C1orf105: variants seen among roughly 807,000 people sequenced by gnomAD.
C1orf105 encodes chromosome 1 open reading frame 105, also known as uncharacterized protein C1orf105.
C1orf105 carries 17 observed loss-of-function variants against 20.8 expected under a neutral mutation model. That is an observed-to-expected ratio of 0.82 (90% CI 0.56 to 1.23). C1orf105 has a LOEUF of 1.23. Among genes scored for constraint, C1orf105 ranks in the 50% most tolerant of loss-of-function variants. The pLI, the probability that C1orf105 is intolerant of heterozygous loss-of-function variation, is 0.00. For missense variants in C1orf105, 219 were observed against 213.5 expected, an observed-to-expected ratio of 1.03 and a Z score of -0.16; for synonymous variants, 72 against 72.1, an observed-to-expected ratio of 1.00 and a Z score of 0.01.
intron 1 of C1orf105, among the ~76,000 whole-genome samples, chr1:172,421,579 G>A (rs370835681): frequency 6.6e-6 from 1 of 152,102 alleles, no homozygotes; most frequent in South Asian, 2.1e-4. Flanking sequence ...AGTTGGGGAG[G>A]ACGCAGAGCA....
intron 3 of C1orf105, among the ~76,000 whole-genome samples, chr1:172,453,557 A>G (rs1648900080): frequency 6.6e-6 from 1 of 152,238 alleles, no homozygotes; most frequent in Admixed American, 6.5e-5. Flanking sequence ...TTTAGACCTC[A>G]TAATTTAAAT....
chr1:172,460,772 G>C (rs1449679777), intron 4 of C1orf105, among the ~76,000 whole-genome samples: 1 of 152,084 alleles, frequency 6.6e-6, no homozygotes, highest in Non-Finnish European at 1.5e-5. Context: ...GGAGTGAAGG[G>C]GCAGTGAAAG....
chr1:172,465,784 A>C, intron 6 of C1orf105: 1 of 409,216 alleles, frequency 2.4e-6, no homozygotes, highest in South Asian at 1.8e-5. Flanking sequence ...GCTCCCTAAA[A>C]TACCTGCCTT....
At chr1:172,434,084 G>A (rs2071959332) in intron 1 of C1orf105, among the ~76,000 whole-genome samples, 1 of 152,054 alleles carries the variant, frequency 6.6e-6, no homozygotes, top group Non-Finnish European at 1.5e-5. Flanking sequence ...CCCAATAAAG[G>A]AGCACCCAGA....
intron 1 of C1orf105, chr1:172,430,272 T>C (rs2071834845): frequency 1.4e-6 from 1 of 700,948 alleles, no homozygotes; most frequent in East Asian, 2.7e-5. Flanking sequence ...TCATACTACT[T>C]TATACCAATT....
At chr1:172,451,957 C>T (rs1355670394) in intron 3 of C1orf105, among the ~76,000 whole-genome samples, 2 of 146,226 alleles carry the variant, frequency 1.4e-5, no homozygotes, top group African/African-American at 5.1e-5. Flanking sequence ...ACTGCAACCT[C>T]CGCCTCCCAG....
chr1:172,467,984 C>T (rs2149198497), intron 6 of C1orf105, among the ~76,000 whole-genome samples: 1 of 152,126 alleles, frequency 6.6e-6, no homozygotes, highest in African/African-American at 2.4e-5. Context: ...CCTACTGTAG[C>T]CTTTTTATAA....
At chr1:172,462,106 A>G in intron 4 of C1orf105, 72 bp from the exon 5 acceptor site, 2 of 1,120,770 alleles carry the variant, frequency 1.8e-6, no homozygotes, top group South Asian at 1.3e-5. Flanking sequence ...CAAATTCACT[A>G]AAGTGGTACA....
At chr1:172,445,253 T>G in intron 2 of C1orf105, 95 bp downstream of exon 2, 1 of 974,552 alleles carries the variant, frequency 1.0e-6, no homozygotes, top group Non-Finnish European at 1.6e-6. Flanking sequence ...AGAGGGCACA[T>G]TTGATCCATT....
intron 2 of C1orf105, 52 bp downstream of exon 2, chr1:172,445,210 A>T (rs746703487): frequency 1.4e-6 from 2 of 1,433,934 alleles, no homozygotes; most frequent in Admixed American, 1.8e-5. Flanking sequence ...CTCACAGAAG[A>T]TGATTTCTTC....
intron 1 of C1orf105, among the ~76,000 whole-genome samples, chr1:172,424,252 G>T (rs1558121823): frequency 1.3e-5 from 2 of 152,226 alleles, no homozygotes; most frequent in Non-Finnish European, 2.9e-5. Flanking sequence ...GAGACTTAAG[G>T]ATCTGCAAGG....
chr1:172,433,137 T>C (rs562146964), intron 1 of C1orf105, among the ~76,000 whole-genome samples: 11 of 152,066 alleles, frequency 7.2e-5, no homozygotes, highest in Non-Finnish European at 1.6e-4. Context: ...AAATCTACGT[T>C]TGATTGGTGT....
chr1:172,442,526 A>G, intron 1 of C1orf105: 5 of 1,614,216 alleles, frequency 3.1e-6, no homozygotes, highest in Non-Finnish European at 4.2e-6. Flanking sequence ...TCTTCCAGGA[A>G]TCGCCGGTCC....
chr1:172,431,771 A>G (rs553902350), intron 1 of C1orf105, among the ~76,000 whole-genome samples: 2 of 152,360 alleles, frequency 1.3e-5, no homozygotes, highest in Non-Finnish European at 2.9e-5. Flanking sequence ...AGGGTGAGCC[A>G]AAGCAGGGCG....
chr1:172,445,010 A>G (rs1647811121), intron 1 of C1orf105, 63 bp from the exon 2 acceptor site: 1 of 1,363,444 alleles, frequency 7.3e-7, no homozygotes, highest in Non-Finnish European at 1.0e-6. Flanking sequence ...GACTTTGGCC[A>G]TCGTAATGAT....
chr1:172,430,704 G>A (rs1051625704), intron 1 of C1orf105, among the ~76,000 whole-genome samples: 7 of 152,084 alleles, frequency 4.6e-5, no homozygotes, highest in African/African-American at 1.4e-4. Flanking sequence ...GCCTCCCAAA[G>A]TGCTGAGATT....
At chr1:172,464,705 A>G (rs1489607804) in intron 5 of C1orf105, among the ~76,000 whole-genome samples, 1 of 151,578 alleles carries the variant, frequency 6.6e-6, no homozygotes, top group Non-Finnish European at 1.5e-5. Context: ...TTTTCAGACC[A>G]CATATGTTCT....
chr1:172,465,914 G>T (rs1201528131), intron 6 of C1orf105, among the ~76,000 whole-genome samples: 2 of 152,176 alleles, frequency 1.3e-5, no homozygotes, highest in African/African-American at 4.8e-5. Context: ...GGCAACACTG[G>T]GCTGGTGAAG....
intron 1 of C1orf105, among the ~76,000 whole-genome samples, chr1:172,428,575 C>T (rs1326185370): frequency 2.6e-5 from 4 of 152,092 alleles, no homozygotes; most frequent in Non-Finnish European, 5.9e-5. Context: ...CTGGGATGCT[C>T]TTCCCCAGGG....
Sources: allele counts gnomAD v4.1 joint callset (sites outside exome capture counted in the v4.1 genomes callset), GRCh38; gene constraint gnomAD v4.1.1; transcripts MANE v1.5; gene names NCBI Gene and HGNC (gene_info 2026-07-23, HGNC 2026-07-21).